RUBCNL: variants seen among roughly 807,000 people sequenced by gnomAD.
RUBCNL encodes rubicon like autophagy enhancer.
Under a neutral mutation model 69.5 loss-of-function variants are expected in RUBCNL, and 62 were observed. That is an observed-to-expected ratio of 0.89 (90% CI 0.73 to 1.10). RUBCNL has a LOEUF of 1.10. Ranked by LOEUF, RUBCNL falls within the 50% of genes least tolerant of loss-of-function variation. RUBCNL has a pLI of 0.00. For synonymous variants in RUBCNL, 291 were observed against 303.6 expected, an observed-to-expected ratio of 0.96 and a Z score of 0.43; for missense variants, 768 against 798.1, an observed-to-expected ratio of 0.96 and a Z score of 0.45.
rs572714499 is a variant in RUBCNL, at chr13:46,383,468, C to T, written c.-239+3666G>A. Among the ~76,000 whole-genome samples, 171 of 152,334 alleles carry T rather than the reference C, an allele frequency of 1.1e-3. No homozygotes were observed. The Middle Eastern group carries it at 0.02, about 18-fold the overall frequency. ...CACCTTCCTCCTCATCAATTCATAA[C>T]TAATGCTTATATGACATTTACTTTG... On this transcript the variant is annotated intron_variant, in intron 1 of 14. Coordinates refer to ENST00000429979, the MANE Select transcript of RUBCNL (RefSeq NM_025113.5).
chr13:46,350,287 T>A lies in RUBCNL; in HGVS notation c.1395A>T (p.Ser465=). ...LGKYFCDCCH[S]YAESCIPARI... ...GGGCAGGGATGCACGACTCTGCATA[T>A]GAGTGGCAGCAGTCACAGAAATACT... The change falls in exon 11 of 15, where the codon TCA becomes TCT. Residue 465 remains serine (S), a synonymous_variant. Coordinates refer to ENST00000429979, the MANE Select transcript of RUBCNL (RefSeq NM_025113.5). 6.3e-7 allele frequency: 1 copy of A among 1,582,590 alleles called. No homozygotes were observed. The highest frequency in any genetic ancestry group is 2.3e-5 in the East Asian group (1 of 43,464).
At chr13:46,372,650 G>C in intron 2 of RUBCNL, 53 bp from the exon 3 acceptor site, 1 of 1,411,984 alleles carries the variant, frequency 7.1e-7, no homozygotes, top group Non-Finnish European at 9.2e-7. Flanking sequence ...TTGTATTTTG[G>C]CTACAAATTA....
Position 46,372,572 on chromosome 13 carries a change from G to A in RUBCNL, c.-97C>T, listed in dbSNP as rs764406423. On this transcript the variant is annotated 5_prime_UTR_variant, in exon 3 of 15. Transcript: ENST00000429979. ...ATTTGGGCCCTGAACTCACCACATG[G>A]CCAGCTGGGGGTCTGGAGAGCTATT... 1.4e-5 allele frequency: 20 copies of A among 1,481,330 alleles called. No individual in the cohort carries two copies. The highest frequency in any genetic ancestry group is 4.4e-5 in the Admixed American group (2 of 45,098). 91.8% of individuals were successfully genotyped at this position (1,481,330 alleles called of 1,614,324 possible). A position where few individuals can be genotyped will look rare whatever the true frequency, so the allele number is the denominator to read the frequency against.
intron 1 of RUBCNL, among the ~76,000 whole-genome samples, chr13:46,382,307 A>C (rs2049135376): frequency 6.6e-6 from 1 of 152,206 alleles, no homozygotes; most frequent in African/African-American, 2.4e-5. Flanking sequence ...CTGAAAGGAT[A>C]GGAGAAAGTT....
intron 8 of RUBCNL, among the ~76,000 whole-genome samples, chr13:46,359,836 G>C (rs2048572805): frequency 6.6e-6 from 1 of 152,116 alleles, no homozygotes; most frequent in East Asian, 1.9e-4. Context: ...ACCCAGATGA[G>C]ATCACTTTTC....
intron 3 of RUBCNL, among the ~76,000 whole-genome samples, chr13:46,369,147 G>C (rs2048825578): frequency 1.3e-5 from 2 of 152,190 alleles, no homozygotes; most frequent in Non-Finnish European, 2.9e-5. Context: ...AGAAGCCACA[G>C]TCCAAAAGCA....
intron 2 of RUBCNL, among the ~76,000 whole-genome samples, chr13:46,376,262 T>C (rs1431318784): frequency 2.0e-5 from 3 of 152,064 alleles, no homozygotes; most frequent in Admixed American, 6.6e-5. Context: ...GTCAACTCTA[T>C]GTGTGTGTGT....
In RUBCNL at chr13:46,354,593, G is replaced by C. The variant is rs1477483835; in HGVS notation, c.1330+1839C>G. On this transcript the variant is annotated intron_variant, in intron 10 of 14. Coordinates refer to ENST00000429979, the MANE Select transcript of RUBCNL (RefSeq NM_025113.5). ...TGGCCACACAGGGTTTCTTTTACTT[G>C]CCACAGGCCCTTTGCACATGACGAA... Among the ~76,000 whole-genome samples the C allele has an allele frequency of 3.3e-5, 5 of 152,092 alleles. No individual in the cohort carries two copies. The East Asian group carries it at 9.6e-4, about 29-fold the overall frequency.
At chr13:46,370,238 G>T (rs1345820365) in intron 3 of RUBCNL, among the ~76,000 whole-genome samples, 1 of 152,210 alleles carries the variant, frequency 6.6e-6, no homozygotes, top group Non-Finnish European at 1.5e-5. Context: ...GGACACTAAG[G>T]AGATAAAGGA....
At chr13:46,359,706 T>C (rs1226623711) in intron 8 of RUBCNL, 75 bp from the exon 9 acceptor site, 3 of 1,323,868 alleles carry the variant, frequency 2.3e-6, no homozygotes, top group African/African-American at 1.5e-5. Flanking sequence ...AACATCTAAA[T>C]GTATTTCCAA....
At chr13:46,379,487 C>A (rs762297878) in intron 1 of RUBCNL, among the ~76,000 whole-genome samples, 78 of 152,178 alleles carry the variant, frequency 5.1e-4, no homozygotes, top group Non-Finnish European at 8.8e-4. Flanking sequence ...TGAATGAAAT[C>A]ATGAACAAAT....
Position 46,341,008 on chromosome 13 carries a change from A to G in RUBCNL, c.*2377T>C, listed in dbSNP as rs2048138225. ...GTAGAAAGTGGCATATTTGGGATCT[A>G]ATCTGAAGTTGTGGCCAATAATTCT... On this transcript the variant is annotated 3_prime_UTR_variant, in exon 15 of 15. Coordinates refer to ENST00000429979, the MANE Select transcript of RUBCNL (RefSeq NM_025113.5). Among the ~76,000 whole-genome samples, 1 of 152,204 alleles carries G rather than the reference A, an allele frequency of 6.6e-6. No individual in the cohort carries two copies.
rs751089542 is a variant in RUBCNL at position 46,363,109 on chromosome 13, T to C, written c.925+6A>G. 6.3e-6 allele frequency: 10 copies of C among 1,584,704 alleles called. No homozygotes were observed. The African/African-American group carries it at 9.5e-5, about 15-fold the overall frequency. ...CAGTCACATCCAAACAGTTTCCAAA[T>C]CTTACCTAAAATAACAAATTCATCA... On this transcript the variant is annotated splice_donor_region_variant and intron_variant, in intron 6 of 14. Coordinates refer to ENST00000429979, the MANE Select transcript of RUBCNL (RefSeq NM_025113.5).
At chr13:46,344,672 C>G (rs1394644771) in intron 14 of RUBCNL, 69 bp downstream of exon 14, 89 of 1,033,040 alleles carry the variant, frequency 8.6e-5, no homozygotes, top group Non-Finnish European at 2.6e-5. Flanking sequence ...TAATTTTGTG[C>G]TTAAGTTACT....
chr13:46,354,629 T>G, intron 10 of RUBCNL: 1 of 383,422 alleles, frequency 2.6e-6, no homozygotes, highest in Admixed American at 3.0e-5. Flanking sequence ...CACCCCTACT[T>G]CTGTGGGCAA....
intron 1 of RUBCNL, among the ~76,000 whole-genome samples, chr13:46,386,667 C>A (rs1314529616): frequency 6.6e-6 from 1 of 152,188 alleles, no homozygotes; most frequent in Non-Finnish European, 1.5e-5. Context: ...TTTCACACTC[C>A]AGCCTAGCTC....
At chr13:46,383,965 T>C (rs2138856645) in intron 1 of RUBCNL, among the ~76,000 whole-genome samples, 2 of 152,330 alleles carry the variant, frequency 1.3e-5, no homozygotes, top group South Asian at 2.1e-4. Flanking sequence ...TCTTTAAATC[T>C]TGTGGACTCA....
chr13:46,376,936 T>G (rs2138826825), intron 2 of RUBCNL, among the ~76,000 whole-genome samples: 1 of 152,348 alleles, frequency 6.6e-6, no homozygotes, highest in East Asian at 1.9e-4. Context: ...TCATACTTAC[T>G]TAGCCAGACC....
At position 46,359,552 on chromosome 13, in the gene RUBCNL, A is replaced by G. The variant is rs752809344; in HGVS notation, c.1199T>C (p.Ile400Thr). 6.3e-7 allele frequency: 1 copy of G among 1,592,742 alleles called. No homozygotes were observed. The highest frequency in any genetic ancestry group is 8.6e-7 in the Non-Finnish European group (1 of 1,168,736). The stretch of plus-strand genomic sequence containing the variant: ...AGGAGCCCAGTCTTCAGTCCCTCTG[A>G]TCCTAGACTTAAATTTAATTTCCTG... ...VVQEIKFKSR[I>T]RGTEDWAPPR... is the part of the protein sequence containing the mutation. The change falls in exon 9 of 15, where the codon ATC becomes ACC. Residue 400 changes from isoleucine (I) to threonine (T), a missense_variant. Transcript: ENST00000429979.
Sources: allele counts gnomAD v4.1 joint callset (sites outside exome capture counted in the v4.1 genomes callset), GRCh38; gene constraint gnomAD v4.1.1; transcripts MANE v1.5; gene names NCBI Gene and HGNC (gene_info 2026-07-23, HGNC 2026-07-21).